The following EIF4EBP1 variants were observed in gnomAD, a reference collection of about 807,000 sequenced individuals.
The protein encoded by EIF4EBP1 is eukaryotic translation initiation factor 4E binding protein 1, also known as eukaryotic translation initiation factor 4E-binding protein 1.
EIF4EBP1 carries 5 observed loss-of-function variants against 9.2 expected under a neutral mutation model. The observed-to-expected ratio is 0.54, with a 90% CI of 0.28 to 1.14. EIF4EBP1 has a LOEUF of 1.14. Ranked by LOEUF, EIF4EBP1 falls within the 50% of genes most tolerant of loss-of-function variation. The pLI, the probability that EIF4EBP1 is intolerant of heterozygous loss-of-function variation, is 0.09. For synonymous variants in EIF4EBP1, 62 were observed against 67.0 expected, an observed-to-expected ratio of 0.93 and a Z score of 0.36; for missense variants, 139 against 169.6, an observed-to-expected ratio of 0.82 and a Z score of 1.00.
At chr8:38,033,436 A>G (rs1809253758) in intron 1 of EIF4EBP1, among the ~76,000 whole-genome samples, 1 of 151,820 alleles carries the variant, frequency 6.6e-6, no homozygotes, top group South Asian at 2.1e-4. Flanking sequence ...CTCAGGAATT[A>G]GTGAAACATA....
At chr8:38,050,798 AG>A (rs969564595) in intron 1 of EIF4EBP1, among the ~76,000 whole-genome samples, 7 of 151,974 alleles carry the variant, frequency 4.6e-5, no homozygotes, top group African/African-American at 1.7e-4. Flanking sequence ...TTTTTATTTA[AG>A]GGTGGGGAAC....
intron 1 of EIF4EBP1, among the ~76,000 whole-genome samples, chr8:38,042,190 A>G (rs896516008): frequency 1.3e-5 from 2 of 152,130 alleles, no homozygotes; most frequent in African/African-American, 4.8e-5. Context: ...CAGCACTACC[A>G]TGTGAATATC....
intron 2 of EIF4EBP1, 44 bp downstream of exon 2, chr8:38,057,304 T>G: frequency 6.5e-7 from 1 of 1,538,738 alleles, no homozygotes; most frequent in East Asian, 2.3e-5. Context: ...GGAAAGGGAA[T>G]GTATGAGGCT....
rs559360368 is a variant in EIF4EBP1 at position 38,037,906 on chromosome 8, T to C, written c.145+7188T>C. Among the ~76,000 whole-genome samples, 5 of 152,114 alleles carry C rather than the reference T, an allele frequency of 3.3e-5. No homozygotes were observed. In the East Asian group the frequency reaches 9.8e-4, roughly 30 times the overall value. On this transcript the variant is annotated intron_variant, in intron 1 of 2. Coordinates refer to ENST00000338825, the MANE Select transcript of EIF4EBP1 (RefSeq NM_004095.4). ...CTTTTGCCTCAGCCTCTCCAGTAGC[T>C]GGGACTACAGGCACACACCACCACG...
intron 1 of EIF4EBP1, among the ~76,000 whole-genome samples, chr8:38,031,551 C>T (rs1193074880): frequency 2.6e-5 from 4 of 152,184 alleles, no homozygotes; most frequent in African/African-American, 4.8e-5. Flanking sequence ...TCTCTCCTCC[C>T]CTCTCATTGT....
intron 1 of EIF4EBP1, among the ~76,000 whole-genome samples, chr8:38,052,173 G>A (rs1280159708): frequency 6.6e-6 from 1 of 152,086 alleles, no homozygotes. Flanking sequence ...CCACCCACTC[G>A]TGTTTCCATT....
At chr8:38,051,102 C>A (rs1395721951) in intron 1 of EIF4EBP1, among the ~76,000 whole-genome samples, 1 of 152,078 alleles carries the variant, frequency 6.6e-6, no homozygotes, top group Non-Finnish European at 1.5e-5. Context: ...CTGGTAAGAA[C>A]CTGGGGTTTC....
Position 38,030,702 on chromosome 8 carries a change from C to T in EIF4EBP1, c.129C>T (p.Phe43=). Residue 43 remains phenylalanine (F), a synonymous_variant, in exon 1 of 3, where the codon TTC becomes TTT. Coordinates refer to ENST00000338825, the MANE Select transcript of EIF4EBP1 (RefSeq NM_004095.4). ...GCACGACCCCCGGCGGCACGCTCTT[C>T]AGCACCACCCCGGGAGGTAGGCGCG... is the stretch of plus-strand genomic sequence containing the variant. ...DYSTTPGGTL[F]STTPGGTRII... is the part of the protein sequence containing the mutation. 1 of 1,438,660 alleles carries T rather than the reference C, an allele frequency of 7.0e-7. No individual in the cohort carries two copies. The highest frequency in any genetic ancestry group is 9.1e-7 in the Non-Finnish European group (1 of 1,101,004). 89.1% of individuals were successfully genotyped at this position (1,438,660 alleles called of 1,614,324 possible). A position where few individuals can be genotyped will look rare whatever the true frequency, so the allele number is the denominator to read the frequency against.
chr8:38,048,592 G>T (rs1809476334), intron 1 of EIF4EBP1, among the ~76,000 whole-genome samples: 1 of 152,100 alleles, frequency 6.6e-6, no homozygotes, highest in African/African-American at 2.4e-5. Flanking sequence ...GGCTGCTCCA[G>T]CCCTGCCACA....
chr8:38,030,560 G>C lies in EIF4EBP1; in HGVS notation c.-14G>C, dbSNP rs772246381. The C allele has an allele frequency of 5.3e-6, 8 of 1,508,424 alleles. No individual in the cohort carries two copies. The South Asian group carries it at 9.8e-5, about 19-fold the overall frequency. 93.4% of individuals were successfully genotyped at this position (1,508,424 alleles called of 1,614,324 possible). A position where few individuals can be genotyped will look rare whatever the true frequency, so the allele number is the denominator to read the frequency against. On this transcript the variant is annotated 5_prime_UTR_variant, in exon 1 of 3. Coordinates refer to ENST00000338825, the MANE Select transcript of EIF4EBP1 (RefSeq NM_004095.4). ...GGGCAGCGAGAGGTTCGCGGGTGCAGCGCACAGGAGACCATGTCCGGGGGC... is the reference window on the plus strand; with the variant it reads ...GGGCAGCGAGAGGTTCGCGGGTGCACCGCACAGGAGACCATGTCCGGGGGC...
intron 1 of EIF4EBP1, among the ~76,000 whole-genome samples, chr8:38,056,732 C>T (rs1809600031): frequency 1.3e-5 from 2 of 150,398 alleles, no homozygotes; most frequent in Non-Finnish European, 2.9e-5. Context: ...GTGGTGCAAT[C>T]GGCTCACTGC....
chr8:38,038,376 C>G (rs2130382372), intron 1 of EIF4EBP1, among the ~76,000 whole-genome samples: 1 of 146,784 alleles, frequency 6.8e-6, no homozygotes, highest in African/African-American at 2.5e-5. Flanking sequence ...GGTGTGGTGG[C>G]ACACACCTGT....
At chr8:38,059,395 C>T (rs760035186) in intron 2 of EIF4EBP1, among the ~76,000 whole-genome samples, 69 of 152,146 alleles carry the variant, frequency 4.5e-4, no homozygotes, top group Non-Finnish European at 7.8e-4. Context: ...CTGAGGCCTC[C>T]CCAGAAGCCA....
intron 2 of EIF4EBP1, 68 bp downstream of exon 2, chr8:38,057,328 C>T (rs1444165177): frequency 4.6e-6 from 7 of 1,512,960 alleles, no homozygotes; most frequent in Non-Finnish European, 5.3e-6. Flanking sequence ...GGAGTCCATC[C>T]ACTGGGGGCA....
intron 1 of EIF4EBP1, among the ~76,000 whole-genome samples, chr8:38,052,881 T>C (rs1809543802): frequency 1.3e-5 from 2 of 152,204 alleles, no homozygotes; most frequent in African/African-American, 2.4e-5. Flanking sequence ...TGCTGCTGTT[T>C]ACTCCTCACA....
chr8:38,047,489 T>G (rs1809462393), intron 1 of EIF4EBP1: 1 of 62,448 alleles, frequency 1.6e-5, no homozygotes, highest in African/African-American at 5.6e-5. Flanking sequence ...GGGTTTTGTT[T>G]TTTTTTTTTT....
At chr8:38,053,610 A>G (rs1369202458) in intron 1 of EIF4EBP1, among the ~76,000 whole-genome samples, 2 of 152,242 alleles carry the variant, frequency 1.3e-5, no homozygotes, top group African/African-American at 4.8e-5. Flanking sequence ...CCATGTTCAT[A>G]GCAGCATGAT....
intron 1 of EIF4EBP1, among the ~76,000 whole-genome samples, chr8:38,037,565 G>A (rs747782296): frequency 2.6e-5 from 4 of 151,868 alleles, no homozygotes; most frequent in Non-Finnish European, 4.4e-5. Context: ...CACCCGCCTC[G>A]ACCTCCCAAA....
At chr8:38,049,761 C>T (rs1281010271) in intron 1 of EIF4EBP1, among the ~76,000 whole-genome samples, 4 of 151,954 alleles carry the variant, frequency 2.6e-5, no homozygotes, top group Admixed American at 6.6e-5. Context: ...GGATTACAGG[C>T]GTGAGCCACC....
Sources: gnomAD v4.1 joint callset for allele counts (sites outside exome capture counted in the v4.1 genomes callset) on GRCh38, gnomAD v4.1.1 for gene constraint, MANE v1.5 for transcripts, NCBI Gene and HGNC (gene_info 2026-07-23, HGNC 2026-07-21) for gene names.